Variants in HS6ST3 observed in about 807,000 individuals in gnomAD.
HS6ST3 encodes the protein heparan sulfate 6-O-sulfotransferase 3.
Under a neutral mutation model 36.7 loss-of-function variants are expected in HS6ST3, and 12 were observed. The ratio of observed to expected loss-of-function variants is 0.33; its 90% CI spans 0.21 to 0.53. The LOEUF (loss-of-function observed/expected upper bound fraction) is 0.53. Ranked by LOEUF, HS6ST3 falls within the 20% of genes least tolerant of loss-of-function variation. The pLI is 0.95. For synonymous variants in HS6ST3, 240 were observed against 257.5 expected (o/e 0.93, Z 0.65); for missense variants, 584 against 640.9 (o/e 0.91, Z 0.96).
chr13:96,457,830 G>A (rs538748541), intron 1 of HS6ST3, among the ~76,000 whole-genome samples: 2 of 152,126 alleles, frequency 1.3e-5, no homozygotes, highest in South Asian at 4.2e-4. Context: ...TTGCATGTAG[G>A]CATTTTTTTT....
intron 1 of HS6ST3, among the ~76,000 whole-genome samples, chr13:96,111,776 A>G (rs2053869342): frequency 6.6e-6 from 1 of 152,228 alleles, no homozygotes; most frequent in Non-Finnish European, 1.5e-5. Flanking sequence ...GATATAAAAT[A>G]TAAGGGAATA....
chr13:96,459,477 A>G (rs1480990104), intron 1 of HS6ST3, among the ~76,000 whole-genome samples: 5 of 152,150 alleles, frequency 3.3e-5, no homozygotes, highest in Non-Finnish European at 7.4e-5. Flanking sequence ...ATAACGCAAT[A>G]TGGAAAAATA....
At chr13:96,570,097 T>A (rs1476262662) in intron 1 of HS6ST3, among the ~76,000 whole-genome samples, 1 of 152,224 alleles carries the variant, frequency 6.6e-6, no homozygotes, top group Non-Finnish European at 1.5e-5. Flanking sequence ...TCCAGTGTTG[T>A]TTATAAATAA....
intron 1 of HS6ST3, among the ~76,000 whole-genome samples, chr13:96,651,559 G>A (rs558396737): frequency 5.3e-4 from 81 of 152,066 alleles, no homozygotes; most frequent in African/African-American, 1.5e-3. Flanking sequence ...GCCATCACTC[G>A]TATTTCCCTA....
intron 1 of HS6ST3, among the ~76,000 whole-genome samples, chr13:96,213,613 A>G (rs2054409826): frequency 6.6e-6 from 1 of 151,880 alleles, no homozygotes; most frequent in Non-Finnish European, 1.5e-5. Context: ...TCTGTGCAGG[A>G]CATTTTAATG....
Position 96,412,057 on chromosome 13 carries a change from T to G in HS6ST3, c.707+320488T>G, listed in dbSNP as rs533385171. On this transcript the variant is annotated intron_variant, in intron 1 of 1. Transcript: ENST00000376705. ...TTCTCGCTCTGTAGCCAGGCTGCAG[T>G]GCAGTGGTGCGATCTCGGCTCACTG... Among the ~76,000 whole-genome samples, 8 of 152,142 alleles carry G rather than the reference T, an allele frequency of 5.3e-5. 1 individual carries two copies. Among genetic ancestry groups the G allele is most frequent in the Admixed American group, 5.2e-4 (8 of 15,270 alleles).
At chr13:96,304,553 T>G (rs2054899706) in intron 1 of HS6ST3, among the ~76,000 whole-genome samples, 1 of 151,884 alleles carries the variant, frequency 6.6e-6, no homozygotes, top group African/African-American at 2.4e-5. Context: ...GGTGATCATT[T>G]TGGAGCTGGG....
intron 1 of HS6ST3, among the ~76,000 whole-genome samples, chr13:96,301,734 A>G (rs2054883032): frequency 6.6e-6 from 1 of 151,936 alleles, no homozygotes; most frequent in Non-Finnish European, 1.5e-5. Context: ...TCTACTAAAA[A>G]TACAACAAAC....
At chr13:96,780,757 C>G (rs1483600908) in intron 1 of HS6ST3, among the ~76,000 whole-genome samples, 1 of 152,014 alleles carries the variant, frequency 6.6e-6, no homozygotes, top group Non-Finnish European at 1.5e-5. Context: ...GTATAGCAGG[C>G]AGAAGATAGA....
At chr13:96,412,921 GAAGA>G (rs79489966) in intron 1 of HS6ST3, among the ~76,000 whole-genome samples, 40,329 of 151,104 alleles carry the variant, frequency 0.27, 6,657 homozygotes, top group Non-Finnish European at 0.37. Flanking sequence ...ATGAACAATT[GAAGA>G]AAGAGAAAGA....
At chr13:96,821,304 G>T (rs1375075593) in intron 1 of HS6ST3, among the ~76,000 whole-genome samples, 1 of 152,174 alleles carries the variant, frequency 6.6e-6, no homozygotes, top group Non-Finnish European at 1.5e-5. Flanking sequence ...CCTGCAGGTA[G>T]AAACAAATCC....
Position 96,833,115 on chromosome 13 carries a change from A to G in HS6ST3, c.1333A>G (p.Arg445Gly). 1 of 1,603,872 alleles carries G rather than the reference A, an allele frequency of 6.2e-7. No individual in the cohort carries two copies. Among genetic ancestry groups the G allele is most frequent in the Non-Finnish European group, 8.5e-7 (1 of 1,179,800 alleles). ...REERRLQREH[R>G]DHQWPKEDGA... ...GGAGCGGAGGCTGCAGCGAGAGCAC[A>G]GGGACCACCAGTGGCCCAAAGAAGA... The change falls in exon 2 of 2, where the codon AGG (arginine) becomes GGG (glycine). Residue 445 changes from arginine to glycine, a missense_variant. Transcript: ENST00000376705.
intron 1 of HS6ST3, among the ~76,000 whole-genome samples, chr13:96,487,231 T>C (rs1044135919): frequency 6.6e-6 from 1 of 152,032 alleles, no homozygotes; most frequent in East Asian, 1.9e-4. Flanking sequence ...TGATTATAAA[T>C]GTGAAAAAAA....
chr13:96,601,679 A>T (rs1328330605), intron 1 of HS6ST3, among the ~76,000 whole-genome samples: 4 of 150,398 alleles, frequency 2.7e-5, no homozygotes, highest in South Asian at 2.1e-4. Flanking sequence ...GTGTTGCAGA[A>T]CTCTTTTTTT....
At chr13:96,382,269 T>G (rs2055345202) in intron 1 of HS6ST3, among the ~76,000 whole-genome samples, 1 of 152,214 alleles carries the variant, frequency 6.6e-6, no homozygotes, top group Admixed American at 6.5e-5. Context: ...TCGTTTCAGG[T>G]CTTATACCAT....
At chr13:96,152,877 C>T (rs1195674968) in intron 1 of HS6ST3, among the ~76,000 whole-genome samples, 1 of 152,182 alleles carries the variant, frequency 6.6e-6, no homozygotes, top group Non-Finnish European at 1.5e-5. Context: ...AAATTCTGTG[C>T]TCTAATCTAG....
intron 1 of HS6ST3, among the ~76,000 whole-genome samples, chr13:96,213,016 A>C (rs1392589736): frequency 6.6e-6 from 1 of 152,248 alleles, no homozygotes; most frequent in Admixed American, 6.5e-5. Flanking sequence ...TGATTTTTCT[A>C]TACTGACAGA....
chr13:96,672,524 T>C (rs1331502831), intron 1 of HS6ST3, among the ~76,000 whole-genome samples: 4 of 152,138 alleles, frequency 2.6e-5, no homozygotes, highest in Non-Finnish European at 5.9e-5. Context: ...TTCATAGTGA[T>C]ATCCTGGAGC....
chr13:96,589,987 T>TCCATCTATG (rs1290939105), intron 1 of HS6ST3, among the ~76,000 whole-genome samples: 2 of 152,182 alleles, frequency 1.3e-5, no homozygotes, highest in African/African-American at 4.8e-5. Flanking sequence ...AATCTCCAGT[T>TCCATCTATG]CCATCTATGT....
Sources: gnomAD v4.1 joint callset for allele counts (sites outside exome capture counted in the v4.1 genomes callset) on GRCh38, gnomAD v4.1.1 for gene constraint, MANE v1.5 for transcripts, NCBI Gene and HGNC (gene_info 2026-07-23, HGNC 2026-07-21) for gene names.